KCNQ1: variants seen among roughly 807,000 people sequenced by gnomAD.
KCNQ1 encodes the protein potassium voltage-gated channel subfamily Q member 1.
Under a neutral mutation model 72.4 loss-of-function variants are expected in KCNQ1, and 49 were observed. That is an observed-to-expected ratio of 0.68 (90% CI 0.54 to 0.86). KCNQ1 has a LOEUF of 0.86. Ranked by LOEUF, KCNQ1 falls within the 40% of genes least tolerant of loss-of-function variation. KCNQ1 has a pLI of 0.00. For synonymous variants in KCNQ1, 450 were observed against 412.6 expected, an observed-to-expected ratio of 1.09 and a Z score of -1.10; for missense variants, 790 against 945.1, an observed-to-expected ratio of 0.84 and a Z score of 2.15.
chr11:2,804,771 A>G (rs879337162), intron 15 of KCNQ1, among the ~76,000 whole-genome samples: 1 of 152,098 alleles, frequency 6.6e-6, no homozygotes, highest in Non-Finnish European at 1.5e-5. Context: ...CTGCGCCCAC[A>G]CCCAGCGTCT....
At chr11:2,490,172 A>T (rs892649315) in intron 1 of KCNQ1, among the ~76,000 whole-genome samples, 3 of 152,158 alleles carry the variant, frequency 2.0e-5, no homozygotes, top group Non-Finnish European at 4.4e-5. Context: ...GGCCACAGGG[A>T]GAGGCTCCTT....
At chr11:2,656,119 C>G (rs1195567790) in intron 10 of KCNQ1, 2 of 398,548 alleles carry the variant, frequency 5.0e-6, no homozygotes, top group Non-Finnish European at 8.8e-6. Context: ...TACGTTCTAG[C>G]CTGTGCTCCA....
chr11:2,594,962 T>G (rs1178727184), intron 10 of KCNQ1, among the ~76,000 whole-genome samples: 1 of 152,190 alleles, frequency 6.6e-6, no homozygotes, highest in Non-Finnish European at 1.5e-5. Flanking sequence ...TGGATGTTTT[T>G]GTTTGTGGGG....
At chr11:2,846,163 G>A (rs563026291) in intron 15 of KCNQ1, among the ~76,000 whole-genome samples, 73 of 152,280 alleles carry the variant, frequency 4.8e-4, no homozygotes, top group African/African-American at 1.3e-3. Context: ...CCCGCCCGGC[G>A]CAGCCTAGGG....
At chr11:2,819,067 A>G (rs910101756) in intron 15 of KCNQ1, among the ~76,000 whole-genome samples, 4 of 152,212 alleles carry the variant, frequency 2.6e-5, no homozygotes, top group African/African-American at 7.2e-5. Context: ...ATTCTGCCCT[A>G]CAGGATTAGG....
rs1029587085 is a variant in KCNQ1, at chr11:2,463,234, G to A, written c.386+17750G>A. Among the ~76,000 whole-genome samples the A allele has an allele frequency of 2.6e-5, 4 of 152,188 alleles. No homozygotes were observed. Among genetic ancestry groups the A allele is most frequent in the African/African-American group, 9.7e-5 (4 of 41,422 alleles). ...CCATTGACTTTACTGTGTGCCTGGA[G>A]AGCCTAATCCCTACCTGCCAGTGGG... On this transcript the variant is annotated intron_variant, in intron 1 of 15. Coordinates refer to ENST00000155840, the MANE Select transcript of KCNQ1 (RefSeq NM_000218.3). The surrounding 1 kb of genome is among the most constrained non-coding windows in gnomAD (Gnocchi z 7.0).
chr11:2,648,538 A>G, intron 10 of KCNQ1: 1 of 398,536 alleles, frequency 2.5e-6, no homozygotes, highest in East Asian at 3.6e-5. Flanking sequence ...CACAGTGGTC[A>G]TTCAGGAACA....
chr11:2,673,425 G>GCC lies in KCNQ1; in HGVS notation c.1514+11344_1514+11345insCC. 2.5e-6 allele frequency: 1 copy of GCC among 398,674 alleles called. No homozygotes were observed. The highest frequency in any genetic ancestry group is 4.4e-6 in the Non-Finnish European group (1 of 226,086). 24.7% of individuals were successfully genotyped at this position (398,674 alleles called of 1,614,324 possible). On this transcript the variant is annotated intron_variant, in intron 11 of 15. Coordinates refer to ENST00000155840, the MANE Select transcript of KCNQ1 (RefSeq NM_000218.3). The surrounding 1 kb of genome is among the most constrained non-coding windows in gnomAD (Gnocchi z 4.5). Reference sequence around the variant, plus strand: ...ACCTTCTGCCTAGGCACCAGGCCTGGAGGTTCCAACTTGGTGTTGGGCCTC... The same window carrying GCC: ...ACCTTCTGCCTAGGCACCAGGCCTGGCCAGGTTCCAACTTGGTGTTGGGCCTC...
intron 11 of KCNQ1, among the ~76,000 whole-genome samples, chr11:2,740,174 G>A (rs1001108253): frequency 4.6e-5 from 7 of 152,306 alleles, no homozygotes; most frequent in African/African-American, 1.7e-4. Context: ...CTGTGAGATG[G>A]GCTGGGCCTG....
chr11:2,710,016 G>A lies in KCNQ1; in HGVS notation c.1514+47935G>A, dbSNP rs564119111. On this transcript the variant is annotated intron_variant, in intron 11 of 15. Coordinates refer to ENST00000155840, the MANE Select transcript of KCNQ1 (RefSeq NM_000218.3). The surrounding 1 kb of genome is among the most constrained non-coding windows in gnomAD (Gnocchi z 4.1). ...TGAGTATTCACAGAGGAGTAGAAAC[G>A]CTGGGTCATATGGTGACTCCATATT... Among the ~76,000 whole-genome samples, 3 of 152,278 alleles carry A rather than the reference G, an allele frequency of 2.0e-5. No homozygotes were observed. The highest frequency in any genetic ancestry group is 3.9e-4 in the East Asian group (2 of 5,190).
rs1327615373 is a variant in KCNQ1 at position 2,549,087 on chromosome 11, C to T, written c.477+21069C>T. 2.0e-5 allele frequency among the ~76,000 whole-genome samples: 3 copies of T among 152,152 alleles called. No homozygotes were observed. Among genetic ancestry groups the T allele is most frequent in the Non-Finnish European group, 1.5e-5 (1 of 68,034 alleles). On this transcript the variant is annotated intron_variant, in intron 2 of 15. Transcript: ENST00000155840. This position sits in a 1 kb window ranked among gnomAD's most constrained non-coding sequence, Gnocchi z 6.2. The stretch of plus-strand genomic sequence containing the variant: ...GGTTCTAGAGTACATCCAGCTTCCA[C>T]CCAAGGGAGAGTGGCTGGGTGGAGA...
At position 2,735,610 on chromosome 11, in the gene KCNQ1, G is replaced by C. The variant is rs919053603; in HGVS notation, c.1515-33234G>C. On this transcript the variant is annotated intron_variant, in intron 11 of 15. Transcript: ENST00000155840. This position sits in a 1 kb window ranked among gnomAD's most constrained non-coding sequence, Gnocchi z 7.7. ...TTGAGGAGCACTTGGAGGAGCTGGGGGATGACATGAGTCCACTCCGCTGTC... is the reference window on the plus strand; with the variant it reads ...TTGAGGAGCACTTGGAGGAGCTGGGCGATGACATGAGTCCACTCCGCTGTC... Among the ~76,000 whole-genome samples the C allele has an allele frequency of 6.6e-6, 1 of 152,064 alleles. No homozygotes were observed. Among genetic ancestry groups the C allele is most frequent in the Non-Finnish European group, 1.5e-5 (1 of 68,014 alleles).
At chr11:2,511,518 C>T (rs1461695473) in intron 1 of KCNQ1, among the ~76,000 whole-genome samples, 1 of 152,154 alleles carries the variant, frequency 6.6e-6, no homozygotes, top group Non-Finnish European at 1.5e-5. Flanking sequence ...TGGTTTGTGG[C>T]AGGTGACGGG....
At chr11:2,823,132 C>G (rs2134056986) in intron 15 of KCNQ1, among the ~76,000 whole-genome samples, 1 of 152,128 alleles carries the variant, frequency 6.6e-6, no homozygotes, top group Non-Finnish European at 1.5e-5. Context: ...CAGAAAAGAG[C>G]AGCCACTGTG....
chr11:2,469,989 G>C (rs1009440007), intron 1 of KCNQ1, among the ~76,000 whole-genome samples: 1 of 152,000 alleles, frequency 6.6e-6, no homozygotes, highest in Non-Finnish European at 1.5e-5. Context: ...TAGAGCTGCG[G>C]TCTCACTCTG....
rs1846378443 is a variant in KCNQ1 at position 2,468,061 on chromosome 11, A to T, written c.386+22577A>T. Among the ~76,000 whole-genome samples the T allele has an allele frequency of 6.6e-6, 1 of 152,392 alleles. No homozygotes were observed. The highest frequency in any genetic ancestry group is 2.4e-5 in the African/African-American group (1 of 41,608). ...AACAGCAGCTTCTTAAAGGGCTGTT[A>T]GCCACGTGCTTAGACTGTGCCCGGA... On this transcript the variant is annotated intron_variant, in intron 1 of 15. Coordinates refer to ENST00000155840, the MANE Select transcript of KCNQ1 (RefSeq NM_000218.3). The surrounding 1 kb of genome is among the most constrained non-coding windows in gnomAD (Gnocchi z 5.7).
Position 2,746,952 on chromosome 11 carries a change from C to T in KCNQ1, c.1515-21892C>T, listed in dbSNP as rs900688216. On this transcript the variant is annotated intron_variant, in intron 11 of 15. Transcript: ENST00000155840. The surrounding 1 kb of genome is among the most constrained non-coding windows in gnomAD (Gnocchi z 5.9). ...GATCAAAGCCATGGCCCCCATTCCC[C>T]GGGGATAGGGAAGCTGTGCAGGCAG... Among the ~76,000 whole-genome samples, 11 of 152,176 alleles carry T rather than the reference C, an allele frequency of 7.2e-5. No homozygotes were observed. Among genetic ancestry groups the T allele is most frequent in the South Asian group, 6.2e-4 (3 of 4,828 alleles).
At position 2,537,598 on chromosome 11, in the gene KCNQ1, C is replaced by G. The variant is rs1304510444; in HGVS notation, c.477+9580C>G. On this transcript the variant is annotated intron_variant, in intron 2 of 15. Transcript: ENST00000155840. This position sits in a 1 kb window ranked among gnomAD's most constrained non-coding sequence, Gnocchi z 5.2. ...ATCTCAGGCTTGTCAGAACGAGCAG[C>G]TCCCAGGCACCCTCTGCCAGGTCAG... 6.6e-6 allele frequency among the ~76,000 whole-genome samples: 1 copy of G among 152,094 alleles called. No homozygotes were observed. The highest frequency in any genetic ancestry group is 1.5e-5 in the Non-Finnish European group (1 of 68,042).
chr11:2,456,457 G>A (rs1266610136), intron 1 of KCNQ1, among the ~76,000 whole-genome samples: 2 of 152,016 alleles, frequency 1.3e-5, no homozygotes, highest in African/African-American at 4.8e-5. Context: ...AAATTCACAA[G>A]TGGGACCTAA....
Sources: allele counts gnomAD v4.1 joint callset (sites outside exome capture counted in the v4.1 genomes callset), GRCh38; gene constraint gnomAD v4.1.1; non-coding constraint Gnocchi (gnomAD v3.1); transcripts MANE v1.5; gene names NCBI Gene and HGNC (gene_info 2026-07-23, HGNC 2026-07-21).